GAS2: variants seen among roughly 807,000 people sequenced by gnomAD.
GAS2 encodes growth arrest specific 2.
A neutral mutation model predicts 37.5 loss-of-function variants in GAS2; 20 were observed. That is an observed-to-expected ratio of 0.53 (90% CI 0.37 to 0.77). The LOEUF (loss-of-function observed/expected upper bound fraction) is 0.77. Among genes scored for constraint, GAS2 ranks in the 30% least tolerant of loss-of-function variants. The pLI is 0.00. For missense variants in GAS2, 336 were observed against 373.4 expected, an observed-to-expected ratio of 0.90 and a Z score of 0.82; for synonymous variants, 144 against 132.2, an observed-to-expected ratio of 1.09 and a Z score of -0.61.
chr11:22,777,594 T>C (rs940767982), intron 7 of GAS2, among the ~76,000 whole-genome samples: 5 of 152,132 alleles, frequency 3.3e-5, no homozygotes, highest in Admixed American at 6.5e-5. Context: ...GGATTTTAAT[T>C]TGAGAGCACC....
chr11:22,761,209 C>T (rs11026774), intron 7 of GAS2, among the ~76,000 whole-genome samples: 82,340 of 151,854 alleles, frequency 0.54, 23,044 homozygotes, highest in Middle Eastern at 0.65. Flanking sequence ...TCAGTTTTTT[C>T]TCTACTAATC....
intron 7 of GAS2, among the ~76,000 whole-genome samples, chr11:22,758,947 G>T (rs1294245392): frequency 7.5e-6 from 1 of 132,896 alleles, no homozygotes; most frequent in Non-Finnish European, 1.6e-5. Context: ...ATAGATACAA[G>T]ATTCTTTTGA....
At chr11:22,697,977 C>G (rs1169386120) in intron 3 of GAS2, among the ~76,000 whole-genome samples, 2 of 152,138 alleles carry the variant, frequency 1.3e-5, no homozygotes, top group East Asian at 1.9e-4. Flanking sequence ...ACTTCCAACA[C>G]TGTGTTGAAT....
intron 7 of GAS2, among the ~76,000 whole-genome samples, chr11:22,791,481 AGT>A (rs1183070517): frequency 6.6e-6 from 1 of 152,230 alleles, no homozygotes; most frequent in Non-Finnish European, 1.5e-5. Context: ...TTTCCATTAA[AGT>A]GTATGTGTTA....
At chr11:22,724,677 A>G (rs1362480824) in intron 3 of GAS2, among the ~76,000 whole-genome samples, 1 of 152,084 alleles carries the variant, frequency 6.6e-6, no homozygotes, top group South Asian at 2.1e-4. Context: ...TTATATAGCT[A>G]TAGTGCCTGA....
chr11:22,730,756 G>T (rs1590064823), intron 4 of GAS2, among the ~76,000 whole-genome samples: 1 of 151,704 alleles, frequency 6.6e-6, no homozygotes, highest in Non-Finnish European at 1.5e-5. Flanking sequence ...ACTTTTAGTT[G>T]TAGAGTTAAA....
intron 7 of GAS2, among the ~76,000 whole-genome samples, chr11:22,790,398 C>T (rs1182035883): frequency 6.6e-6 from 1 of 152,086 alleles, no homozygotes. Flanking sequence ...GTGTACAGAG[C>T]CATGCTGCTT....
chr11:22,717,992 A>T (rs1020203206), intron 3 of GAS2, among the ~76,000 whole-genome samples: 1 of 152,118 alleles, frequency 6.6e-6, no homozygotes. Flanking sequence ...GCTATGGTAA[A>T]AAAAGGAACA....
intron 1 of GAS2, among the ~76,000 whole-genome samples, chr11:22,643,936 TA>T (rs771791285): frequency 2.6e-5 from 4 of 152,158 alleles, no homozygotes; most frequent in East Asian, 1.9e-4. Context: ...TCTTTTAGCA[TA>T]TTTTTTTCAT....
At chr11:22,645,939 G>C (rs1044531394) in intron 1 of GAS2, among the ~76,000 whole-genome samples, 2 of 149,988 alleles carry the variant, frequency 1.3e-5, no homozygotes, top group African/African-American at 4.9e-5. Context: ...CGCCTCCCAA[G>C]TTCAAGCCAT....
intron 5 of GAS2, among the ~76,000 whole-genome samples, chr11:22,746,885 A>C (rs1853436600): frequency 6.6e-6 from 1 of 152,172 alleles, no homozygotes; most frequent in African/African-American, 2.4e-5. Context: ...TAAAAAAATT[A>C]AGTAGGTCAA....
chr11:22,635,587 C>T (rs1476626266), intron 1 of GAS2, among the ~76,000 whole-genome samples: 2 of 152,248 alleles, frequency 1.3e-5, no homozygotes, highest in African/African-American at 2.4e-5. Flanking sequence ...TGTCGGCCTG[C>T]AGACCTGGAG....
At chr11:22,754,479 A>G (rs991397542) in intron 6 of GAS2, among the ~76,000 whole-genome samples, 7 of 152,106 alleles carry the variant, frequency 4.6e-5, no homozygotes, top group African/African-American at 1.7e-4. Context: ...GGCAATGTAT[A>G]TATTAAAGTT....
At chr11:22,809,475 T>G (rs1857038441) in intron 7 of GAS2, among the ~76,000 whole-genome samples, 1 of 151,838 alleles carries the variant, frequency 6.6e-6, no homozygotes, top group Non-Finnish European at 1.5e-5. Flanking sequence ...ATTTCCATAT[T>G]TATTTATTAT....
intron 4 of GAS2, among the ~76,000 whole-genome samples, chr11:22,732,083 T>A (rs1852505945): frequency 6.6e-6 from 1 of 151,744 alleles, no homozygotes; most frequent in Non-Finnish European, 1.5e-5. Context: ...TGAATTCAGC[T>A]CCATTCACCT....
intron 1 of GAS2, among the ~76,000 whole-genome samples, chr11:22,630,853 A>G (rs1858736425): frequency 6.6e-6 from 1 of 152,044 alleles, no homozygotes; most frequent in Admixed American, 6.6e-5. Context: ...TATGAATTTT[A>G]TGATTGCTTG....
At chr11:22,720,589 G>A (rs372213788) in intron 3 of GAS2, among the ~76,000 whole-genome samples, 5 of 151,848 alleles carry the variant, frequency 3.3e-5, no homozygotes, top group South Asian at 2.1e-4. Flanking sequence ...GGATACAGGC[G>A]GAAACATTAA....
intron 1 of GAS2, among the ~76,000 whole-genome samples, chr11:22,670,806 G>T (rs1373063333): frequency 6.6e-6 from 1 of 151,986 alleles, no homozygotes; most frequent in African/African-American, 2.4e-5. Flanking sequence ...TTTGACCCTG[G>T]ACTTCTGATT....
At chr11:22,720,172 T>G (rs374450846) in intron 3 of GAS2, among the ~76,000 whole-genome samples, 5 of 152,094 alleles carry the variant, frequency 3.3e-5, no homozygotes, top group African/African-American at 1.2e-4. Context: ...ATTTCCTTTT[T>G]GTGTATGTGA....
Sources: allele counts gnomAD v4.1 joint callset (sites outside exome capture counted in the v4.1 genomes callset), GRCh38; gene constraint gnomAD v4.1.1; transcripts MANE v1.5; gene names NCBI Gene and HGNC (gene_info 2026-07-23, HGNC 2026-07-21).